Variants in RAB27A observed in about 807,000 individuals in gnomAD.
RAB27A encodes RAB27A, member RAS oncogene family.
RAB27A carries 17 observed loss-of-function variants against 20.8 expected under a neutral mutation model. The observed-to-expected ratio is 0.82, with a 90% CI of 0.56 to 1.23. The LOEUF (loss-of-function observed/expected upper bound fraction) is 1.23. RAB27A is among the 50% of genes most tolerant of loss of function. The pLI is 0.00. For synonymous variants in RAB27A, 85 were observed against 92.8 expected (o/e 0.92, Z 0.48); for missense variants, 277 against 266.7 (o/e 1.04, Z -0.27).
At position 55,300,995 on chromosome 15, in the gene RAB27A, T is replaced by C. The variant is rs141194009; in HGVS notation, c.-112+13044A>G. 2.1e-3 allele frequency among the ~76,000 whole-genome samples: 317 copies of C among 152,188 alleles called. 1 individual carries two copies. Among genetic ancestry groups the C allele is most frequent in the African/African-American group, 7.3e-3 (304 of 41,538 alleles). On this transcript the variant is annotated intron_variant, in intron 2 of 5. Transcript: ENST00000563262. ...AGCCATTAACCAGGCAGATGTGCAC[T>C]GGGGAAAGAAAAATACTCAGACTTT... is the stretch of plus-strand genomic sequence containing the variant.
chr15:55,224,562 C>G (rs1895721389), intron 5 of RAB27A, among the ~76,000 whole-genome samples: 1 of 152,032 alleles, frequency 6.6e-6, no homozygotes, highest in East Asian at 1.9e-4. Context: ...AAGAAAAGAC[C>G]CAGAATAAAC....
intron 5 of RAB27A, among the ~76,000 whole-genome samples, chr15:55,227,717 T>C (rs1895866079): frequency 6.6e-6 from 1 of 152,200 alleles, no homozygotes; most frequent in South Asian, 2.1e-4. Context: ...ATACAAAGTA[T>C]GTGAAAACCA....
chr15:55,210,269 G>A (rs1291816785), intron 6 of RAB27A, among the ~76,000 whole-genome samples: 6 of 132,938 alleles, frequency 4.5e-5, no homozygotes, highest in African/African-American at 2.0e-4. Context: ...TCATATGGTA[G>A]TTCTATTTTT....
At chr15:55,212,691 G>C (rs550803099) in intron 6 of RAB27A, among the ~76,000 whole-genome samples, 2 of 151,988 alleles carry the variant, frequency 1.3e-5, no homozygotes, top group African/African-American at 2.4e-5. Flanking sequence ...CACCACGCCC[G>C]TTTAATTTTT....
chr15:55,275,927 A>AG (rs1555399571), intron 1 of RAB27A, among the ~76,000 whole-genome samples: 1 of 149,110 alleles, frequency 6.7e-6, no homozygotes, highest in African/African-American at 2.5e-5. Flanking sequence ...TTAAAAAAAA[A>AG]AAAAAAAAAA....
rs565983786 is a variant in RAB27A at position 55,267,502 on chromosome 15, C to G, written c.-23+2663G>C. Among the ~76,000 whole-genome samples, 4 of 152,258 alleles carry G rather than the reference C, an allele frequency of 2.6e-5. No homozygotes were observed. The South Asian group carries it at 8.3e-4, about 32-fold the overall frequency. Reference sequence around the variant, plus strand: ...CTCTGCTCTGCCAAGAGGGCAGGGCCCCAGCCACGCTGCAGCAACACCAGA... The same window carrying G: ...CTCTGCTCTGCCAAGAGGGCAGGGCGCCAGCCACGCTGCAGCAACACCAGA... On this transcript the variant is annotated intron_variant, in intron 2 of 6. Coordinates refer to ENST00000336787, the MANE Select transcript of RAB27A (RefSeq NM_183235.3).
At chr15:55,214,487 G>C (rs1442750820) in intron 6 of RAB27A, among the ~76,000 whole-genome samples, 1 of 152,220 alleles carries the variant, frequency 6.6e-6, no homozygotes, top group Non-Finnish European at 1.5e-5. Flanking sequence ...CACCTCATTT[G>C]AGTGTTTATC....
intron 2 of RAB27A, among the ~76,000 whole-genome samples, chr15:55,242,646 A>C (rs1896537345): frequency 1.3e-5 from 2 of 152,188 alleles, no homozygotes; most frequent in Admixed American, 6.5e-5. Context: ...CCTTCAGAAA[A>C]ATCACAGAAA....
chr15:55,238,219 A>G (rs1353120690), intron 2 of RAB27A: 3 of 152,168 alleles, frequency 2.0e-5, no homozygotes, highest in African/African-American at 7.2e-5. Context: ...TCTAAAGGGT[A>G]AAACAGAACC....
At chr15:55,297,868 T>G (rs1056377245) in intron 2 of RAB27A, among the ~76,000 whole-genome samples, 6 of 152,094 alleles carry the variant, frequency 3.9e-5, no homozygotes, top group African/African-American at 1.4e-4. Flanking sequence ...AAACCCAATT[T>G]AATAGACATT....
intron 2 of RAB27A, among the ~76,000 whole-genome samples, chr15:55,268,221 C>G (rs1046277086): frequency 1.4e-4 from 21 of 151,280 alleles, no homozygotes; most frequent in Non-Finnish European, 2.9e-4. Context: ...AAGGCTCTTT[C>G]CCACAATGAC....
intron 2 of RAB27A, among the ~76,000 whole-genome samples, chr15:55,235,814 C>T (rs557254): frequency 0.22 from 34,046 of 151,988 alleles, 6,959 homozygotes; most frequent in African/African-American, 0.54. Flanking sequence ...ACACACACCA[C>T]GGAATACTAC....
chr15:55,230,596 A>G (rs1316276563), intron 3 of RAB27A, 110 bp from the exon 4 acceptor site: 2 of 801,616 alleles, frequency 2.5e-6, no homozygotes, highest in African/African-American at 1.7e-5. Context: ...TCCAAAGAGA[A>G]TGCCATCTGG....
At chr15:55,309,894 G>A (rs1170544810) in intron 2 of RAB27A, among the ~76,000 whole-genome samples, 1 of 152,024 alleles carries the variant, frequency 6.6e-6, no homozygotes, top group African/African-American at 2.4e-5. Flanking sequence ...ATTTTTTGGA[G>A]TCCTTGTTGG....
At chr15:55,310,400 TG>T (rs1454905440) in intron 2 of RAB27A, among the ~76,000 whole-genome samples, 6 of 152,204 alleles carry the variant, frequency 3.9e-5, no homozygotes, top group Admixed American at 3.9e-4. Flanking sequence ...GTCCTGCTGC[TG>T]GATCATCTGG....
At chr15:55,306,730 C>CATATT (rs2054998421) in intron 2 of RAB27A, among the ~76,000 whole-genome samples, 1 of 152,144 alleles carries the variant, frequency 6.6e-6, no homozygotes, top group Non-Finnish European at 1.5e-5. Context: ...AACTCCTATA[C>CATATT]GATGGGGCAT....
Position 55,298,200 on chromosome 15 carries a change from G to A in RAB27A, c.-112+15839C>T, listed in dbSNP as rs796892875. On this transcript the variant is annotated intron_variant, in intron 2 of 5. Coordinates refer to the RAB27A transcript ENST00000563262. ...AGCCTGGATGACAGAGCAAGACTCC[G>A]TCTCAAAAAAAAAAAAAAAAAAAGT... 2.5e-3 allele frequency among the ~76,000 whole-genome samples: 342 copies of A among 134,602 alleles called. 5 individuals carry two copies. The highest frequency in any genetic ancestry group is 9.4e-3 in the African/African-American group (328 of 34,712). The allele number at this position is 134,602 out of a possible 152,430, so 88.3% of individuals were successfully genotyped here.
At chr15:55,283,729 T>G (rs1391137481) in intron 1 of RAB27A, among the ~76,000 whole-genome samples, 1 of 152,204 alleles carries the variant, frequency 6.6e-6, no homozygotes, top group Non-Finnish European at 1.5e-5. Context: ...ATAGGTTATA[T>G]TTTAAAATTC....
In RAB27A at chr15:55,247,391, A is replaced by G. The variant is rs991307337; in HGVS notation, c.-22-12435T>C. Among the ~76,000 whole-genome samples the G allele has an allele frequency of 2.0e-5, 3 of 152,178 alleles. No individual in the cohort carries two copies. The East Asian group carries it at 5.8e-4, about 29-fold the overall frequency. ...CAGATAGCACTCAAAAGAAAAAAAAAAAATCAGATAGCACTCAAAGGACTT... is the reference window on the plus strand; with the variant it reads ...CAGATAGCACTCAAAAGAAAAAAAAGAAATCAGATAGCACTCAAAGGACTT... On this transcript the variant is annotated intron_variant, in intron 2 of 6. Coordinates refer to ENST00000336787, the MANE Select transcript of RAB27A (RefSeq NM_183235.3).
Sources: gnomAD v4.1 joint callset for allele counts (sites outside exome capture counted in the v4.1 genomes callset) on GRCh38, gnomAD v4.1.1 for gene constraint, MANE v1.5 for transcripts, NCBI Gene and HGNC (gene_info 2026-07-23, HGNC 2026-07-21) for gene names.